DCX: variants seen among roughly 807,000 people sequenced by gnomAD.
The protein encoded by DCX is neuronal migration protein doublecortin.
Under a neutral mutation model 20.9 loss-of-function variants are expected in DCX, and 4 were observed. The observed-to-expected ratio is 0.19, with a 90% CI of 0.09 to 0.44. The LOEUF (loss-of-function observed/expected upper bound fraction) is 0.44, where lower values mean the gene tolerates loss of function less well. DCX is among the 20% of genes least tolerant of loss of function. The probability of loss-of-function intolerance (pLI) is 0.99; values close to 1 mark genes in which losing one functional copy is unlikely to be tolerated. For missense variants in DCX, 133 were observed against 296.9 expected, an observed-to-expected ratio of 0.45 and a Z score of 4.06; for synonymous variants, 103 against 111.4, an observed-to-expected ratio of 0.92 and a Z score of 0.47.
At position 111,312,635 on chromosome X, in the gene DCX, A is replaced by G. The variant is rs200720747; in HGVS notation, c.1044+4T>C. 226 of 1,205,370 alleles carry G rather than the reference A, an allele frequency of 1.9e-4. 1 individual carries two copies. In the East Asian group the frequency reaches 4.9e-3, roughly 26 times the overall value. ...AGAGGTTTAGTAAGGTATAAGAGAC[A>G]TAATACCTTGTGCTTCCGGAGGCTG... On this transcript the variant is annotated splice_donor_region_variant and intron_variant, in intron 6 of 6. Coordinates refer to ENST00000636035, the MANE Select transcript of DCX (RefSeq NM_001195553.2).
chrX:111,338,511 C>A (rs1449875557), intron 3 of DCX, among the ~76,000 whole-genome samples: 1 of 111,210 alleles, frequency 9.0e-6, no homozygotes, highest in Non-Finnish European at 1.9e-5. Flanking sequence ...CAGCCCTGGA[C>A]CAGCTCCAGT....
intron 3 of DCX, among the ~76,000 whole-genome samples, chrX:111,384,869 C>T (rs1301557112): frequency 8.9e-6 from 1 of 112,421 alleles, no homozygotes; most frequent in Admixed American, 9.4e-5. Flanking sequence ...GACTGAAGTG[C>T]ACAGAATGTT....
chrX:111,381,141 C>T (rs942981882), intron 3 of DCX, among the ~76,000 whole-genome samples: 1 of 110,386 alleles, frequency 9.1e-6, no homozygotes, highest in South Asian at 3.9e-4. Context: ...TAGGTTTCTG[C>T]TTGGAATATA....
At chrX:111,349,030 G>A (rs1053867983) in intron 3 of DCX, among the ~76,000 whole-genome samples, 17 of 111,314 alleles carry the variant, frequency 1.5e-4, no homozygotes, top group Non-Finnish European at 5.7e-5. Context: ...TCTTTTTTGT[G>A]TCACAAGCCC....
At chrX:111,329,816 T>C (rs1300096160) in intron 5 of DCX, among the ~76,000 whole-genome samples, 2 of 112,297 alleles carry the variant, frequency 1.8e-5, no homozygotes, top group Non-Finnish European at 3.8e-5. Context: ...CAGCATTTCA[T>C]AGCCATCAGG....
At chrX:111,321,045 GAA>G (rs1279186949) in intron 5 of DCX, among the ~76,000 whole-genome samples, 1 of 111,557 alleles carries the variant, frequency 9.0e-6, no homozygotes, top group Non-Finnish European at 1.9e-5. Context: ...GGAGGAGGGT[GAA>G]AGTTGTGGCT....
In DCX at chrX:111,295,112, T is replaced by C. The variant is rs1488954254; in HGVS notation, c.*6575A>G. 1 of 112,650 alleles carries C rather than the reference T, an allele frequency of 8.9e-6. No individual in the cohort carries two copies. Among genetic ancestry groups the C allele is most frequent in the African/African-American group, 3.2e-5 (1 of 30,963 alleles). The allele number at this position is 112,650 out of a possible 1,213,427, so 9.3% of individuals were successfully genotyped here. A position where few individuals can be genotyped will look rare whatever the true frequency, so the allele number is the denominator to read the frequency against. On this transcript the variant is annotated 3_prime_UTR_variant, in exon 7 of 7. Coordinates refer to ENST00000636035, the MANE Select transcript of DCX (RefSeq NM_001195553.2). ...CTGCAATATATTACAGGACCATACA[T>C]TGGAGACATTTTGGCATAACCTCTT...
chrX:111,327,934 A>G (rs1433194642), intron 5 of DCX, among the ~76,000 whole-genome samples: 1 of 112,776 alleles, frequency 8.9e-6, no homozygotes, highest in Non-Finnish European at 1.9e-5. Context: ...TGGAATCATG[A>G]GGAGGCTATA....
At chrX:111,389,828 A>G (rs1282938769) in intron 3 of DCX, among the ~76,000 whole-genome samples, 2 of 111,400 alleles carry the variant, frequency 1.8e-5, no homozygotes, top group African/African-American at 6.5e-5. Flanking sequence ...GAGTCCTCCA[A>G]TTCCCTCACT....
intron 3 of DCX, among the ~76,000 whole-genome samples, chrX:111,349,854 T>A (rs191181607): frequency 7.3e-4 from 81 of 111,183 alleles, no homozygotes; most frequent in African/African-American, 2.6e-3. Context: ...TGAGTGGAGT[T>A]TACTAAAGGG....
At chrX:111,358,468 T>G (rs1026910063) in intron 3 of DCX, among the ~76,000 whole-genome samples, 1 of 112,004 alleles carries the variant, frequency 8.9e-6, no homozygotes, top group Non-Finnish European at 1.9e-5. Flanking sequence ...ATAACCATAT[T>G]CAAACATTTC....
chrX:111,410,638 G>A (rs954256938), intron 1 of DCX: 2 of 881,075 alleles, frequency 2.3e-6, no homozygotes, highest in Admixed American at 2.2e-5. Context: ...GGCTGGGCGG[G>A]GGTGCTGGTG....
intron 3 of DCX, among the ~76,000 whole-genome samples, chrX:111,369,299 G>T (rs1295401800): frequency 9.0e-6 from 1 of 110,821 alleles, no homozygotes; most frequent in Non-Finnish European, 1.9e-5. Context: ...ATCCAATCAA[G>T]TTGACCCTCA....
rs200509723 is a variant in DCX at position 111,340,300 on chromosome X, TC to T, written c.706-7148del. Among the ~76,000 whole-genome samples, 1,012 of 112,067 alleles carry T rather than the reference TC, an allele frequency of 9.0e-3. 11 individuals carry two copies. Among genetic ancestry groups the T allele is most frequent in the African/African-American group, 0.031 (955 of 30,827 alleles). On this transcript the variant is annotated intron_variant, in intron 3 of 6. Coordinates refer to ENST00000636035, the MANE Select transcript of DCX (RefSeq NM_001195553.2). ...TTCAGGCCTGACCCTGACTCATCCT[TC>T]CTCACTGGGTGGGGATTCCCTGCAG...
At chrX:111,408,324 C>T (rs1226690974) in intron 2 of DCX, among the ~76,000 whole-genome samples, 1 of 111,174 alleles carries the variant, frequency 9.0e-6, no homozygotes, top group Non-Finnish European at 1.9e-5. Context: ...TCAAGGTCAG[C>T]TATGTAGAAA....
In DCX at chrX:111,402,780, G is replaced by A. The variant is rs772129362; in HGVS notation, c.365-1450C>T. 2.2e-3 allele frequency among the ~76,000 whole-genome samples: 210 copies of A among 93,341 alleles called. 1 individual carries two copies. The highest frequency in any genetic ancestry group is 8.2e-3 in the African/African-American group (197 of 23,950). 81.1% of individuals were successfully genotyped at this position (93,341 alleles called of 115,157 possible). ...TGTGTGTATGTGTGTGTGTGTGTGC[G>A]TGGTGTGTGTGTGTGTGTGTGTGTG... On this transcript the variant is annotated intron_variant, in intron 2 of 6. Transcript: ENST00000636035.
chrX:111,312,135 T>G (rs1461492169), intron 6 of DCX, among the ~76,000 whole-genome samples: 1 of 112,888 alleles, frequency 8.9e-6, no homozygotes, highest in Admixed American at 9.3e-5. Flanking sequence ...CTCTTCCTAT[T>G]CAGCATCAGA....
In DCX at chrX:111,399,499, A is replaced by G. The variant is rs185042828; in HGVS notation, c.705+1491T>C. ...ATCAGATTTATGCCTAATATAAAGA[A>G]ACTCTAAAAATCACAGCTGTTGAAC... On this transcript the variant is annotated intron_variant, in intron 3 of 6. Transcript: ENST00000636035. 3.4e-3 allele frequency among the ~76,000 whole-genome samples: 385 copies of G among 112,386 alleles called. 4 individuals carry two copies. The highest frequency in any genetic ancestry group is 0.011 in the African/African-American group (353 of 30,958).
At chrX:111,306,371 A>G (rs1020013211) in intron 6 of DCX, among the ~76,000 whole-genome samples, 3 of 112,098 alleles carry the variant, frequency 2.7e-5, no homozygotes, top group Non-Finnish European at 5.6e-5. Flanking sequence ...GAGTCAATAT[A>G]TCCAGAAAAC....
Sources: allele counts gnomAD v4.1 joint callset (sites outside exome capture counted in the v4.1 genomes callset), GRCh38; gene constraint gnomAD v4.1.1; transcripts MANE v1.5; gene names NCBI Gene and HGNC (gene_info 2026-07-23, HGNC 2026-07-21).